The following TRIM68 variants were observed in gnomAD, a reference collection of about 807,000 sequenced individuals.
TRIM68 encodes the protein tripartite motif containing 68.
TRIM68 carries 36 observed loss-of-function variants against 41.9 expected under a neutral mutation model. That is an observed-to-expected ratio of 0.86 (90% confidence interval 0.66 to 1.14). TRIM68 has a LOEUF of 1.14. TRIM68 is among the 50% of genes most tolerant of loss of function. TRIM68 has a pLI of 0.00. For missense variants in TRIM68, 632 were observed against 605.1 expected, an observed-to-expected ratio of 1.04 and a Z score of -0.47; for synonymous variants, 225 against 224.6, an observed-to-expected ratio of 1.00 and a Z score of -0.02.
At chr11:4,605,043 G>A (rs776171226) in intron 2 of TRIM68, 36 bp downstream of exon 2, 23 of 1,598,290 alleles carry the variant, frequency 1.4e-5, no homozygotes, top group Middle Eastern at 1.7e-4. Flanking sequence ...ACTTGGGGCC[G>A]GGGTTAGACT....
In TRIM68 at chr11:4,599,048, A is replaced by G. The variant is rs527852008; in HGVS notation, c.*1228T>C. 3.3e-5 allele frequency: 5 copies of G among 151,846 alleles called. No individual in the cohort carries two copies. In the South Asian group the frequency reaches 8.3e-4, roughly 25 times the overall value. The allele number at this position is 151,846 out of a possible 1,614,324, so 9.4% of individuals were successfully genotyped here. On this transcript the variant is annotated 3_prime_UTR_variant, in exon 7 of 7. Coordinates refer to ENST00000300747, the MANE Select transcript of TRIM68 (RefSeq NM_018073.8). ...CATTTTCCCAATGAGGACACATAAA[A>G]CCTCCCAAACATGTGAGAAGTTTCA...
In TRIM68 at chr11:4,600,639, T is replaced by C. The variant is rs1264871089; in HGVS notation, c.1095A>G (p.Gly365=). The change falls in exon 7 of 7, where the codon GGA becomes GGG. Residue 365 remains glycine (G), a synonymous_variant. Transcript: ENST00000300747. The stretch of plus-strand genomic sequence containing the variant: ...CTCCCAGGCCCCACTCAGACCTGTC[T>C]CCCACCTCCACCTCCCAGTAGTGCC... The part of the protein sequence containing the change: ...SGRHYWEVEV[G]DRSEWGLGVC... 6.2e-7 allele frequency: 1 copy of C among 1,613,968 alleles called. No individual in the cohort carries two copies. Among genetic ancestry groups the C allele is most frequent in the Non-Finnish European group, 8.5e-7 (1 of 1,180,018 alleles).
chr11:4,603,133 G>T, intron 3 of TRIM68, 112 bp downstream of exon 3: 1 of 1,033,372 alleles, frequency 9.7e-7, no homozygotes, highest in Non-Finnish European at 1.5e-6. Context: ...CCTAGGCTCT[G>T]TGATTTCAAG....
In TRIM68 at chr11:4,605,293, GGCC is replaced by G. The variant is rs750406724; in HGVS notation, c.209_211del (p.Arg70del). ...TACAACATTGGCCAGCTGCCAATTAGGCCGCAGGTTCCTTGGCTGGACAGGAGC... is the reference window on the plus strand; with the variant it reads ...TACAACATTGGCCAGCTGCCAATTAGGCAGGTTCCTTGGCTGGACAGGAGC... On this transcript the variant is annotated inframe_deletion, in exon 2 of 7. Transcript: ENST00000300747. The G allele has an allele frequency of 3.7e-6, 6 of 1,614,152 alleles. No individual in the cohort carries two copies. The Admixed American group carries it at 1.0e-4, about 27-fold the overall frequency.
At position 4,602,453 on chromosome 11, in the gene TRIM68, C is replaced by A; in HGVS notation, c.523-41G>T. 3 of 1,606,162 alleles carry A rather than the reference C, an allele frequency of 1.9e-6. No individual in the cohort carries two copies. The South Asian group carries it at 3.3e-5, about 18-fold the overall frequency. ...GGAAATCAGCACTGATACTTTCAGT[C>A]ACCCAGTATCGAGCATACTGACATA... On this transcript the variant is annotated intron_variant, in intron 3 of 6. Transcript: ENST00000300747.
rs1846439700 is a variant in TRIM68, at chr11:4,599,189, C to T, written c.*1087G>A. On this transcript the variant is annotated 3_prime_UTR_variant, in exon 7 of 7. Transcript: ENST00000300747. ...ATTTTGATAATCTTACCTTCAGCAGCTTTGTAAGAAATAACTTGCTCCAGG... is the reference window on the plus strand; with the variant it reads ...ATTTTGATAATCTTACCTTCAGCAGTTTTGTAAGAAATAACTTGCTCCAGG... 6.6e-6 allele frequency: 1 copy of T among 152,178 alleles called. No homozygotes were observed. The highest frequency in any genetic ancestry group is 1.5e-5 in the Non-Finnish European group (1 of 68,024). The allele number at this position is 152,178 out of a possible 1,614,324, so 9.4% of individuals were successfully genotyped here. A position where few individuals can be genotyped will look rare whatever the true frequency, so the allele number is the denominator to read the frequency against.
chr11:4,601,355 A>G, intron 5 of TRIM68: 2 of 595,124 alleles, frequency 3.4e-6, no homozygotes, highest in Non-Finnish European at 6.0e-6. Flanking sequence ...ATTCTGGGAG[A>G]GGAAGAAGTG....
intron 2 of TRIM68, among the ~76,000 whole-genome samples, chr11:4,603,585 C>T (rs985070736): frequency 6.6e-6 from 1 of 152,212 alleles, no homozygotes; most frequent in African/African-American, 2.4e-5. Context: ...CCATTTACAA[C>T]CTCTCCACAA....
At chr11:4,604,996 G>A in intron 2 of TRIM68, 83 bp downstream of exon 2, 1 of 1,469,790 alleles carries the variant, frequency 6.8e-7, no homozygotes, top group Non-Finnish European at 9.3e-7. Context: ...CTCAGTCTGT[G>A]GTGCTGGTGG....
At chr11:4,601,295 G>A (rs757606627) in intron 5 of TRIM68, 168 bp from the exon 6 acceptor site, 11 of 633,382 alleles carry the variant, frequency 1.7e-5, no homozygotes, top group Non-Finnish European at 2.8e-5. Flanking sequence ...GTGTGCAGAG[G>A]TGAGAACACC....
At position 4,605,528 on chromosome 11, in the gene TRIM68, G is replaced by A. The variant is rs1239439789; in HGVS notation, c.-24C>T. 6.4e-7 allele frequency: 1 copy of A among 1,569,342 alleles called. No homozygotes were observed. The highest frequency in any genetic ancestry group is 1.2e-5 in the South Asian group (1 of 84,898). ...ATGGTTCCTTCTCACACCCTCCTCA[G>A]AACATGAATGAAACCAGGGAGAAGT... On this transcript the variant is annotated 5_prime_UTR_variant, in exon 2 of 7. Coordinates refer to ENST00000300747, the MANE Select transcript of TRIM68 (RefSeq NM_018073.8).
intron 4 of TRIM68, 183 bp downstream of exon 4, chr11:4,601,969 C>T (rs972985454): frequency 1.6e-5 from 15 of 913,612 alleles, no homozygotes; most frequent in Admixed American, 2.4e-5. Context: ...GATGCTACAA[C>T]AGACCAGGTC....
chr11:4,604,141 AAT>A (rs1325234153), intron 2 of TRIM68, among the ~76,000 whole-genome samples: 3 of 152,302 alleles, frequency 2.0e-5, no homozygotes, highest in African/African-American at 7.2e-5. Flanking sequence ...TCCCTTTTCT[AAT>A]AGTCTCAAAA....
At position 4,600,582 on chromosome 11, in the gene TRIM68, C is replaced by T. The variant is rs2133197015; in HGVS notation, c.1152G>A (p.Val384=). The T allele has an allele frequency of 1.9e-6, 3 of 1,614,046 alleles. No individual in the cohort carries two copies. Among genetic ancestry groups the T allele is most frequent in the Non-Finnish European group, 2.5e-6 (3 of 1,179,996 alleles). Residue 384 remains valine (V), a synonymous_variant, in exon 7 of 7, where the codon GTG becomes GTA. Coordinates refer to ENST00000300747, the MANE Select transcript of TRIM68 (RefSeq NM_018073.8). The stretch of plus-strand genomic sequence containing the variant: ...ATCCATAGTGGGGGGATAAGTAGAC[C>T]ACCTCCTTCCGGTCTACATTTTGCT... ...VCKQNVDRKE[V]VYLSPHYGFW...
chr11:4,598,995 CAT>C lies in TRIM68; in HGVS notation c.*1279_*1280del, dbSNP rs1284885654. ...CAACAGCTCCATGAGGCAGGACAAT[CAT>C]ATGAGGTTTTATGCTGAATTACACC... On this transcript the variant is annotated 3_prime_UTR_variant, in exon 7 of 7. Transcript: ENST00000300747. 6.6e-6 allele frequency: 1 copy of C among 152,142 alleles called. No individual in the cohort carries two copies. The highest frequency in any genetic ancestry group is 2.4e-5 in the African/African-American group (1 of 41,414). 9.4% of individuals were successfully genotyped at this position (152,142 alleles called of 1,614,324 possible).
In TRIM68 at chr11:4,605,560, G is replaced by C; in HGVS notation, c.-56C>G. 6.8e-7 allele frequency: 1 copy of C among 1,477,554 alleles called. No individual in the cohort carries two copies. Among genetic ancestry groups the C allele is most frequent in the Non-Finnish European group, 9.1e-7 (1 of 1,096,538 alleles). 91.5% of individuals were successfully genotyped at this position (1,477,554 alleles called of 1,614,324 possible). A position where few individuals can be genotyped will look rare whatever the true frequency, so the allele number is the denominator to read the frequency against. The stretch of plus-strand genomic sequence containing the variant: ...AATGAAACCAGGGAGAAGTAGTAAA[G>C]GCTGAGAAGAAGAAAAGAAAGACAA... On this transcript the variant is annotated splice_region_variant and 5_prime_UTR_variant, in exon 2 of 7. Transcript: ENST00000300747.
In TRIM68 at chr11:4,600,627, C is replaced by T. The variant is rs1473432254; in HGVS notation, c.1107G>A (p.Glu369=). 2.5e-6 allele frequency: 4 copies of T among 1,614,038 alleles called. No individual in the cohort carries two copies. Among genetic ancestry groups the T allele is most frequent in the Non-Finnish European group, 3.4e-6 (4 of 1,180,030 alleles). ...TTTGCTTACATACTCCCAGGCCCCA[C>T]TCAGACCTGTCTCCCACCTCCACCT... The part of the protein sequence containing the change: ...YWEVEVGDRS[E]WGLGVCKQNV... The change falls in exon 7 of 7, where the codon GAG becomes GAA. Residue 369 remains glutamate, a synonymous_variant. Coordinates refer to ENST00000300747, the MANE Select transcript of TRIM68 (RefSeq NM_018073.8).
intron 1 of TRIM68, among the ~76,000 whole-genome samples, chr11:4,606,153 T>G (rs1221199402): frequency 6.6e-6 from 1 of 152,252 alleles, no homozygotes; most frequent in Non-Finnish European, 1.5e-5. Context: ...CCAGCACTAA[T>G]GTACTTATTA....
rs761478396 is a variant in TRIM68 at position 4,603,208 on chromosome 11, G to A, written c.522+37C>T. The A allele has an allele frequency of 2.1e-5, 34 of 1,595,266 alleles. No homozygotes were observed. In the South Asian group the frequency reaches 2.4e-4, roughly 11 times the overall value. The stretch of plus-strand genomic sequence containing the variant: ...GGCCAGCTCCAGGACCACACAGGAC[G>A]ACTGACACAAACTCCTTTCCCCACG... On this transcript the variant is annotated intron_variant, in intron 3 of 6. Transcript: ENST00000300747.
Sources: gnomAD v4.1 joint callset for allele counts (sites outside exome capture counted in the v4.1 genomes callset) on GRCh38, gnomAD v4.1.1 for gene constraint, MANE v1.5 for transcripts, NCBI Gene and HGNC (gene_info 2026-07-23, HGNC 2026-07-21) for gene names.